Variants in SENP1 observed in about 807,000 individuals in gnomAD.
SENP1 encodes SUMO specific peptidase 1, also known as sentrin-specific protease 1.
In SENP1, 21 loss-of-function variants were observed where a neutral mutation model predicts 93.0. That is an observed-to-expected ratio of 0.23 (90% CI 0.16 to 0.33). The LOEUF is 0.33. Ranked by LOEUF, SENP1 falls within the 10% of genes least tolerant of loss-of-function variation. The pLI is 1.00. For missense variants in SENP1, 591 were observed against 758.7 expected (o/e 0.78, Z 2.60); for synonymous variants, 256 against 259.6 (o/e 0.99, Z 0.13).
intron 6 of SENP1, among the ~76,000 whole-genome samples, chr12:48,078,487 T>C (rs111877615): frequency 3.3e-5 from 5 of 151,700 alleles, no homozygotes; most frequent in East Asian, 1.9e-4. Context: ...GGGTTTTCTA[T>C]ATATAAGATC....
intron 12 of SENP1, among the ~76,000 whole-genome samples, chr12:48,064,411 T>C (rs888554613): frequency 1.2e-4 from 19 of 152,154 alleles, no homozygotes; most frequent in African/African-American, 4.1e-4. Flanking sequence ...TTTTCCAAAT[T>C]TTCTATAATG....
intron 6 of SENP1, among the ~76,000 whole-genome samples, chr12:48,075,433 G>C (rs1943999873): frequency 6.6e-6 from 1 of 152,142 alleles, no homozygotes; most frequent in Non-Finnish European, 1.5e-5. Context: ...TCTAAATTAG[G>C]ATTCCAACAA....
rs1443346812 is a variant in SENP1 at position 48,072,288 on chromosome 12, G to T, written c.941-567C>A. Among the ~76,000 whole-genome samples, 4 of 152,080 alleles carry T rather than the reference G, an allele frequency of 2.6e-5. 1 individual carries two copies. The highest frequency in any genetic ancestry group is 5.9e-5 in the Non-Finnish European group (4 of 68,002). On this transcript the variant is annotated intron_variant, in intron 8 of 17. Transcript: ENST00000549518. ...CACCTGTCATTTAGTAGTCACCTCA[G>T]TCATCCAATTGACTGTCTCAGTATA...
At chr12:48,066,189 GA>G (rs1202721400) in intron 10 of SENP1, among the ~76,000 whole-genome samples, 2 of 152,140 alleles carry the variant, frequency 1.3e-5, no homozygotes, top group Admixed American at 6.6e-5. Flanking sequence ...AGATATCACT[GA>G]AGTTTAATTC....
chr12:48,065,245 G>A, intron 11 of SENP1, 25 bp from the exon 12 acceptor site: 1 of 1,533,636 alleles, frequency 6.5e-7, no homozygotes, highest in Non-Finnish European at 8.8e-7. Flanking sequence ...TTCAGAGTAA[G>A]TGGGATAAAG....
intron 1 of SENP1, chr12:48,105,609 G>A (rs934097770): frequency 5.2e-5 from 24 of 457,870 alleles, no homozygotes; most frequent in Non-Finnish European, 5.2e-5. Context: ...GAAGGCGGGA[G>A]ATGAAGCCGG....
At chr12:48,046,211 A>T in intron 17 of SENP1, 145 bp downstream of exon 17, 1 of 584,244 alleles carries the variant, frequency 1.7e-6, no homozygotes, top group Non-Finnish European at 3.1e-6. Context: ...TTCAGGTAGT[A>T]ACCATCAGTG....
chr12:48,093,280 G>GTTTTTT (rs374804144), intron 4 of SENP1, among the ~76,000 whole-genome samples: 1 of 126,540 alleles, frequency 7.9e-6, no homozygotes, highest in Non-Finnish European at 1.6e-5. Flanking sequence ...TTCAGGTGAG[G>GTTTTTT]TTTTTTTTTT....
At chr12:48,047,508 C>T (rs2136746106) in intron 15 of SENP1, among the ~76,000 whole-genome samples, 1 of 152,310 alleles carries the variant, frequency 6.6e-6, no homozygotes, top group East Asian at 1.9e-4. Context: ...GTATTGAGTG[C>T]ATACCTTCAA....
intron 17 of SENP1, among the ~76,000 whole-genome samples, chr12:48,046,017 C>G (rs774884168): frequency 6.6e-6 from 1 of 152,152 alleles, no homozygotes; most frequent in Non-Finnish European, 1.5e-5. Flanking sequence ...ATTCCCAAAC[C>G]TGACTACTAA....
At chr12:48,057,941 C>CTTTTTTTTTTTT (rs370210767) in intron 13 of SENP1, among the ~76,000 whole-genome samples, 1 of 85,684 alleles carries the variant, frequency 1.2e-5, no homozygotes, top group East Asian at 4.0e-4. Context: ...TTTATTTCCT[C>CTTTTTTTTTTTT]TTTTTTTTTT....
At chr12:48,095,949 A>G (rs1246704425) in intron 4 of SENP1, among the ~76,000 whole-genome samples, 2 of 152,200 alleles carry the variant, frequency 1.3e-5, no homozygotes, top group African/African-American at 4.8e-5. Context: ...GGAAGAAATA[A>G]ATTTTCAGGT....
chr12:48,049,728 C>T (rs1243801904), intron 13 of SENP1, among the ~76,000 whole-genome samples: 1 of 152,176 alleles, frequency 6.6e-6, no homozygotes, highest in Non-Finnish European at 1.5e-5. Flanking sequence ...AACTAAGTGA[C>T]AGGAGAAGCC....
intron 2 of SENP1, among the ~76,000 whole-genome samples, chr12:48,098,643 C>CA (rs749908469): frequency 0.14 from 15,742 of 109,222 alleles, 1,323 homozygotes; most frequent in African/African-American, 0.25. Flanking sequence ...AACTCCATCT[C>CA]AAAAAAAAAA....
At chr12:48,102,791 A>G (rs1264052379) in intron 1 of SENP1, among the ~76,000 whole-genome samples, 4 of 147,996 alleles carry the variant, frequency 2.7e-5, no homozygotes, top group African/African-American at 1.0e-4. Flanking sequence ...AGCCTGGGCG[A>G]CAGGGCGAGA....
At chr12:48,047,914 G>A in intron 15 of SENP1, 87 bp downstream of exon 15, 1 of 805,930 alleles carries the variant, frequency 1.2e-6, no homozygotes, top group South Asian at 1.5e-5. Context: ...TCACTCCATT[G>A]AAGGTATCAA....
chr12:48,084,513 A>G lies in SENP1; in HGVS notation c.381-751T>C, dbSNP rs544274170. The stretch of plus-strand genomic sequence containing the variant: ...CACTCAGACTGGAGGCAGTGGCACG[A>G]CCTTGGCTCACAGCAACCTCCACCT... On this transcript the variant is annotated intron_variant, in intron 5 of 17. Transcript: ENST00000549518. Among the ~76,000 whole-genome samples, 126 of 141,060 alleles carry G rather than the reference A, an allele frequency of 8.9e-4. 1 individual carries two copies. Among genetic ancestry groups the G allele is most frequent in the African/African-American group, 3.2e-3 (123 of 38,272 alleles). 92.5% of individuals were successfully genotyped at this position (141,060 alleles called of 152,430 possible). A position where few individuals can be genotyped will look rare whatever the true frequency, so the allele number is the denominator to read the frequency against.
At chr12:48,093,099 G>A (rs1945315055) in intron 4 of SENP1, among the ~76,000 whole-genome samples, 1 of 152,120 alleles carries the variant, frequency 6.6e-6, no homozygotes, top group Admixed American at 6.5e-5. Flanking sequence ...ATTTTAGAAA[G>A]ATAACCTGAC....
chr12:48,087,604 T>C (rs181441226), intron 5 of SENP1, among the ~76,000 whole-genome samples: 162 of 152,262 alleles, frequency 1.1e-3, no homozygotes, highest in Non-Finnish European at 1.8e-3. Flanking sequence ...GGAAAAGGGA[T>C]TGGGATTGTG....
Sources: gnomAD v4.1 joint callset for allele counts (sites outside exome capture counted in the v4.1 genomes callset) on GRCh38, gnomAD v4.1.1 for gene constraint, MANE v1.5 for transcripts, NCBI Gene and HGNC (gene_info 2026-07-23, HGNC 2026-07-21) for gene names.